The following PPM1D variants were observed in gnomAD, a reference collection of about 807,000 sequenced individuals.
PPM1D encodes the protein protein phosphatase, Mg2+/Mn2+ dependent 1D.
In PPM1D, 52 loss-of-function variants were observed where a neutral mutation model predicts 58.3. That is an observed-to-expected ratio of 0.89 (90% CI 0.71 to 1.12). PPM1D has a LOEUF of 1.12. Among genes scored for constraint, PPM1D ranks in the 50% most tolerant of loss-of-function variants. The pLI, the probability that PPM1D is intolerant of heterozygous loss-of-function variation, is 0.00. For missense variants in PPM1D, 564 were observed against 777.2 expected, an observed-to-expected ratio of 0.73 and a Z score of 3.26; for synonymous variants, 278 against 285.1, an observed-to-expected ratio of 0.98 and a Z score of 0.25.
chr17:60,638,301 GATTTTA>G (rs1322779296), intron 3 of PPM1D, among the ~76,000 whole-genome samples: 1 of 151,870 alleles, frequency 6.6e-6, no homozygotes, highest in Non-Finnish European at 1.5e-5. Context: ...CTACCTTTTA[GATTTTA>G]ATATTTAAGC....
In PPM1D at chr17:60,620,928, TTTC is replaced by T. The variant is rs568445339; in HGVS notation, c.473-2590_473-2588del. Among the ~76,000 whole-genome samples the T allele has an allele frequency of 4.3e-3, 654 of 152,288 alleles. 3 individuals are homozygous for T. The highest frequency in any genetic ancestry group is 0.015 in the African/African-American group (604 of 41,548). Reference sequence around the variant, plus strand: ...TTTTGTTTTTCTTTTCTTTTCTTTCTTTCTTTTTTTTTGAGGCAGATTCTCGCT... The same window carrying T: ...TTTTGTTTTTCTTTTCTTTTCTTTCTTTTTTTTTTGAGGCAGATTCTCGCT... On this transcript the variant is annotated intron_variant, in intron 1 of 5. Transcript: ENST00000305921.
intron 3 of PPM1D, among the ~76,000 whole-genome samples, chr17:60,640,902 G>A (rs1320999600): frequency 6.6e-6 from 1 of 151,864 alleles, no homozygotes; most frequent in Non-Finnish European, 1.5e-5. Flanking sequence ...GCCTCCAGCT[G>A]CATCTGTGTT....
Position 60,647,916 on chromosome 17 carries a change from T to G in PPM1D, c.851T>G (p.Phe284Cys). The change falls in exon 4 of 6, where the codon TTC (phenylalanine) becomes TGC (cysteine). Residue 284 changes from phenylalanine (F) to cysteine (C), a missense_variant. This residue lies in a region of PPM1D where 95 missense variants were observed against 232.6 expected (regional missense o/e 0.41). Transcript: ENST00000305921. ...ALGDLWSYDF[F>C]SGEFVVSPEP... ...GGTGATTTGTGGAGCTATGATTTCTTCAGTGGTGAATTTGTGGTGTCACCT... is the reference window on the plus strand; with the variant it reads ...GGTGATTTGTGGAGCTATGATTTCTGCAGTGGTGAATTTGTGGTGTCACCT... 6.2e-7 allele frequency: 1 copy of G among 1,613,222 alleles called. No individual in the cohort carries two copies. The highest frequency in any genetic ancestry group is 8.5e-7 in the Non-Finnish European group (1 of 1,179,334).
chr17:60,617,567 A>AG (rs921480899), intron 1 of PPM1D, among the ~76,000 whole-genome samples: 10 of 151,492 alleles, frequency 6.6e-5, no homozygotes, highest in Non-Finnish European at 1.0e-4. Context: ...AAAAAAAAAA[A>AG]TAGAAGAAAG....
At chr17:60,645,542 A>G (rs1323796643) in intron 3 of PPM1D, among the ~76,000 whole-genome samples, 1 of 139,112 alleles carries the variant, frequency 7.2e-6, no homozygotes, top group Admixed American at 7.3e-5. Flanking sequence ...ATGTGTATAT[A>G]TATGTATATA....
chr17:60,648,156 G>T, intron 4 of PPM1D, 74 bp downstream of exon 4: 5 of 1,477,508 alleles, frequency 3.4e-6, no homozygotes, highest in Non-Finnish European at 4.6e-6. Flanking sequence ...TCTTGAATAT[G>T]AACTAAGGAC....
chr17:60,611,593 GT>G (rs897582606), intron 1 of PPM1D, among the ~76,000 whole-genome samples: 1 of 151,752 alleles, frequency 6.6e-6, no homozygotes, highest in Admixed American at 6.6e-5. Context: ...TAATTTTTGT[GT>G]TTTTTGTAGA....
intron 1 of PPM1D, among the ~76,000 whole-genome samples, chr17:60,611,140 C>T (rs1331434958): frequency 1.3e-5 from 2 of 152,074 alleles, no homozygotes; most frequent in Non-Finnish European, 2.9e-5. Flanking sequence ...CCTGCCTCAG[C>T]CTCCCAAAGT....
At chr17:60,640,504 TC>T (rs2031112596) in intron 3 of PPM1D, among the ~76,000 whole-genome samples, 1 of 152,340 alleles carries the variant, frequency 6.6e-6, no homozygotes, top group South Asian at 2.1e-4. Context: ...CATCCACCAT[TC>T]ATCCTAGATT....
intron 1 of PPM1D, among the ~76,000 whole-genome samples, chr17:60,619,358 ATC>A (rs2143647051): frequency 6.6e-6 from 1 of 152,064 alleles, no homozygotes; most frequent in Admixed American, 6.6e-5. Context: ...AGGTACATGT[ATC>A]TCTCTGAGAG....
chr17:60,614,980 A>G (rs2143638880), intron 1 of PPM1D, among the ~76,000 whole-genome samples: 1 of 152,332 alleles, frequency 6.6e-6, no homozygotes, highest in Non-Finnish European at 1.5e-5. Flanking sequence ...TTCTGGACAC[A>G]TTACTACCTT....
Position 60,663,379 on chromosome 17 carries a change from A to T in PPM1D, c.1645A>T (p.Lys549Ter). Residue 549 changes from lysine to a stop codon, truncating the protein, a stop_gained, in exon 6 of 6, where the codon AAG becomes TAG. Coordinates refer to ENST00000305921, the MANE Select transcript of PPM1D (RefSeq NM_003620.4). LOFTEE classifies it high-confidence loss of function. The stretch of plus-strand genomic sequence containing the variant: ...GTCCAATTCTGGCCCCCTGATGAAG[A>T]AGCATAGACGAAATGGCTTAAGTCG... The part of the protein sequence containing the change: ...EESNSGPLMK[K>*]HRRNGLSRSS... 6.2e-7 allele frequency: 1 copy of T among 1,614,198 alleles called. No homozygotes were observed. The highest frequency in any genetic ancestry group is 8.5e-7 in the Non-Finnish European group (1 of 1,180,034).
At chr17:60,608,505 G>A (rs1457688257) in intron 1 of PPM1D, among the ~76,000 whole-genome samples, 1 of 152,078 alleles carries the variant, frequency 6.6e-6, no homozygotes, top group Admixed American at 6.5e-5. Context: ...GCTGGGTGTG[G>A]TGGCATGCGC....
chr17:60,637,257 T>C (rs2031042457), intron 3 of PPM1D, among the ~76,000 whole-genome samples: 1 of 152,028 alleles, frequency 6.6e-6, no homozygotes, highest in Admixed American at 6.6e-5. Context: ...TTCTTTCTTT[T>C]TTTGTTTTTT....
intron 2 of PPM1D, among the ~76,000 whole-genome samples, chr17:60,631,623 G>A (rs1176219881): frequency 1.3e-5 from 2 of 151,716 alleles, no homozygotes; most frequent in Admixed American, 1.3e-4. Flanking sequence ...AAAGGGTGGG[G>A]GGATGGTGAA....
At chr17:60,646,734 C>T (rs1343258107) in intron 3 of PPM1D, among the ~76,000 whole-genome samples, 1 of 152,012 alleles carries the variant, frequency 6.6e-6, no homozygotes, top group Non-Finnish European at 1.5e-5. Context: ...GTCTCTTGAA[C>T]ATTTTGATGT....
At chr17:60,616,436 C>T (rs1184918372) in intron 1 of PPM1D, among the ~76,000 whole-genome samples, 2 of 151,880 alleles carry the variant, frequency 1.3e-5, no homozygotes, top group African/African-American at 2.4e-5. Flanking sequence ...GGTGAAATCC[C>T]GTCTCTACTA....
intron 4 of PPM1D, among the ~76,000 whole-genome samples, chr17:60,649,946 G>C (rs2031314095): frequency 6.6e-6 from 1 of 152,176 alleles, no homozygotes; most frequent in African/African-American, 2.4e-5. Flanking sequence ...GTAACATAAA[G>C]ACTCTTCTGT....
chr17:60,620,908 TTTTTC>T (rs1204803391), intron 1 of PPM1D, among the ~76,000 whole-genome samples: 2 of 152,034 alleles, frequency 1.3e-5, no homozygotes, highest in Admixed American at 6.6e-5. Flanking sequence ...GTGCTTTTTG[TTTTTC>T]TTTTCTTTTC....
Sources: allele counts gnomAD v4.1 joint callset (sites outside exome capture counted in the v4.1 genomes callset), GRCh38; gene constraint gnomAD v4.1.1; regional missense constraint gnomAD v4.1.1; transcripts MANE v1.5; gene names NCBI Gene and HGNC (gene_info 2026-07-23, HGNC 2026-07-21).